MARCHF5: variants seen among roughly 807,000 people sequenced by gnomAD.
MARCHF5 encodes membrane associated ring-CH-type finger 5.
A neutral mutation model predicts 36.5 loss-of-function variants in MARCHF5; 5 were observed. The ratio of observed to expected loss-of-function variants is 0.14; its 90% confidence interval spans 0.07 to 0.29. The LOEUF is 0.29. MARCHF5 is among the 10% of genes least tolerant of loss of function. The pLI is 1.00. For missense variants in MARCHF5, 179 were observed against 336.3 expected, an observed-to-expected ratio of 0.53 and a Z score of 3.66; for synonymous variants, 103 against 109.9, an observed-to-expected ratio of 0.94 and a Z score of 0.39.
At chr10:92,318,348 C>T (rs1418937829) in intron 2 of MARCHF5, among the ~76,000 whole-genome samples, 4 of 151,362 alleles carry the variant, frequency 2.6e-5, no homozygotes, top group South Asian at 2.1e-4. Flanking sequence ...ATCACTTGAA[C>T]CCGAGAGGCG....
At position 92,330,311 on chromosome 10, in the gene MARCHF5, C is replaced by T. The variant is rs575278982; in HGVS notation, c.239-10362C>T. Among the ~76,000 whole-genome samples, 11 of 152,276 alleles carry T rather than the reference C, an allele frequency of 7.2e-5. No individual in the cohort carries two copies. In the South Asian group the frequency reaches 1.4e-3, roughly 20 times the overall value. On this transcript the variant is annotated intron_variant, in intron 2 of 5. Transcript: ENST00000358935. ...AGAAGTATCTTTCAACAGTGTGAGA[C>T]TTTCTGGGTACACACTGTATATGAA... is the stretch of plus-strand genomic sequence containing the variant.
intron 1 of MARCHF5, among the ~76,000 whole-genome samples, chr10:92,302,216 GA>G (rs1843023769): frequency 6.6e-6 from 1 of 152,098 alleles, no homozygotes; most frequent in South Asian, 2.1e-4. Context: ...AACAGATGCA[GA>G]ACCCTCAGTT....
chr10:92,346,490 T>G (rs906663439), intron 3 of MARCHF5, among the ~76,000 whole-genome samples: 4 of 138,822 alleles, frequency 2.9e-5, no homozygotes, highest in Non-Finnish European at 6.5e-5. Flanking sequence ...CCCTATTTCC[T>G]TCTTTTTTTT....
chr10:92,332,121 A>C (rs1843443954), intron 2 of MARCHF5, among the ~76,000 whole-genome samples: 2 of 150,584 alleles, frequency 1.3e-5, no homozygotes, highest in Non-Finnish European at 1.5e-5. Context: ...TCTCATGTCT[A>C]TAATCCCAGC....
intron 3 of MARCHF5, among the ~76,000 whole-genome samples, chr10:92,344,292 A>G (rs530507165): frequency 1.3e-5 from 2 of 152,350 alleles, no homozygotes; most frequent in African/African-American, 4.8e-5. Flanking sequence ...AGAAGACTAT[A>G]TAAACAATAT....
intron 1 of MARCHF5, among the ~76,000 whole-genome samples, chr10:92,297,797 T>A (rs897802684): frequency 6.6e-6 from 1 of 152,078 alleles, no homozygotes; most frequent in Non-Finnish European, 1.5e-5. Context: ...GCCTTTTTTC[T>A]TTTTTAATCC....
chr10:92,315,151 A>AAAT (rs760800376), intron 2 of MARCHF5, among the ~76,000 whole-genome samples: 34 of 152,228 alleles, frequency 2.2e-4, no homozygotes, highest in Non-Finnish European at 4.3e-4. Flanking sequence ...TAAAACTTTT[A>AAAT]AAAAGTTGCT....
intron 3 of MARCHF5, among the ~76,000 whole-genome samples, chr10:92,345,187 C>A (rs540582267): frequency 2.7e-5 from 4 of 149,106 alleles, no homozygotes; most frequent in Admixed American, 6.6e-5. Context: ...AAAAAAAAAA[C>A]CCTGTTATTT....
intron 3 of MARCHF5, among the ~76,000 whole-genome samples, chr10:92,342,486 C>A (rs1161523414): frequency 6.6e-6 from 1 of 152,142 alleles, no homozygotes; most frequent in Non-Finnish European, 1.5e-5. Flanking sequence ...AGTCCACTGA[C>A]CAAATACAAG....
chr10:92,316,780 C>A (rs1223662978), intron 2 of MARCHF5, among the ~76,000 whole-genome samples: 1 of 151,736 alleles, frequency 6.6e-6, no homozygotes, highest in Non-Finnish European at 1.5e-5. Context: ...CAGTCTCAAA[C>A]TTCCTGGCCT....
rs1019017071 is a variant in MARCHF5, at chr10:92,291,364, G to A, written c.-131G>A. Reference sequence around the variant, plus strand: ...CCGCCAGGCTAGCGGAGCTGCCCCGGGAAGCTGGGTGACGGGTTCGCGGCT... The same window carrying A: ...CCGCCAGGCTAGCGGAGCTGCCCCGAGAAGCTGGGTGACGGGTTCGCGGCT... On this transcript the variant is annotated 5_prime_UTR_variant, in exon 1 of 6. Transcript: ENST00000358935. The A allele has an allele frequency of 1.7e-5, 14 of 823,556 alleles. No individual in the cohort carries two copies. The highest frequency in any genetic ancestry group is 1.2e-4 in the African/African-American group (7 of 56,486). 51.0% of individuals were successfully genotyped at this position (823,556 alleles called of 1,614,324 possible).
intron 1 of MARCHF5, among the ~76,000 whole-genome samples, chr10:92,301,479 G>A (rs1395953852): frequency 6.6e-6 from 1 of 152,204 alleles, no homozygotes; most frequent in African/African-American, 2.4e-5. Context: ...TCTGCTTACT[G>A]TGTGGCCTTG....
intron 3 of MARCHF5, among the ~76,000 whole-genome samples, chr10:92,345,463 C>T (rs1304345243): frequency 6.6e-6 from 1 of 152,138 alleles, no homozygotes; most frequent in African/African-American, 2.4e-5. Context: ...CAAGATTGCA[C>T]TCCAGCCTGG....
At chr10:92,294,244 C>G (rs1388649437) in intron 1 of MARCHF5, among the ~76,000 whole-genome samples, 1 of 152,272 alleles carries the variant, frequency 6.6e-6, no homozygotes, top group East Asian at 1.9e-4. Context: ...AATTTTGCCA[C>G]TTACTAGCTA....
chr10:92,346,557 C>T (rs1375732588), intron 3 of MARCHF5, among the ~76,000 whole-genome samples: 2 of 132,794 alleles, frequency 1.5e-5, no homozygotes, highest in Non-Finnish European at 1.5e-5. Flanking sequence ...GGTGCAATCT[C>T]GGCTCACTGC....
chr10:92,327,793 A>G (rs749204424), intron 2 of MARCHF5, among the ~76,000 whole-genome samples: 3 of 152,186 alleles, frequency 2.0e-5, no homozygotes, highest in African/African-American at 4.8e-5. Flanking sequence ...TGGAAAAGGA[A>G]TATATCGCAG....
chr10:92,349,611 T>TTTGTTTTGTAGTCTTTAGACTACAAGA, intron 4 of MARCHF5, 60 bp from the exon 5 acceptor site: 1 of 1,598,038 alleles, frequency 6.3e-7, no homozygotes, highest in East Asian at 2.2e-5. Flanking sequence ...TAGCCATGTT[T>TTTGTTTTGTAGTCTTTAGACTACAAGA]GAAGGTAGTC....
In MARCHF5 at chr10:92,352,793, A is replaced by G. The variant is rs1162162051; in HGVS notation, c.*1586A>G. The G allele has an allele frequency of 6.6e-6, 1 of 152,630 alleles. No individual in the cohort carries two copies. The highest frequency in any genetic ancestry group is 1.5e-5 in the Non-Finnish European group (1 of 68,046). The allele number at this position is 152,630 out of a possible 1,614,324, so 9.5% of individuals were successfully genotyped here. ...AAATTTGTATTATTTGGAGATGAAG[A>G]TTTGACTAACAGTGAGCCTTATTAA... On this transcript the variant is annotated 3_prime_UTR_variant, in exon 6 of 6. Transcript: ENST00000358935.
At chr10:92,300,989 G>A (rs190659424) in intron 1 of MARCHF5, among the ~76,000 whole-genome samples, 25 of 150,890 alleles carry the variant, frequency 1.7e-4, no homozygotes, top group African/African-American at 2.4e-4. Flanking sequence ...GGGTTCAAGC[G>A]ATTCTCATGC....
Sources: gnomAD v4.1 joint callset for allele counts (sites outside exome capture counted in the v4.1 genomes callset) on GRCh38, gnomAD v4.1.1 for gene constraint, MANE v1.5 for transcripts, NCBI Gene and HGNC (gene_info 2026-07-23, HGNC 2026-07-21) for gene names.